CNBD1: variants seen among roughly 807,000 people sequenced by gnomAD.
CNBD1 encodes cyclic nucleotide-binding domain-containing protein 1.
A neutral mutation model predicts 54.4 loss-of-function variants in CNBD1; 71 were observed. The ratio of observed to expected loss-of-function variants is 1.30; its 90% CI spans 1.08 to 1.59. The LOEUF (loss-of-function observed/expected upper bound fraction) is 1.59. Ranked by LOEUF, CNBD1 falls within the 40% of genes most tolerant of loss-of-function variation. CNBD1 has a pLI of 0.00. For synonymous variants in CNBD1, 182 were observed against 170.7 expected, an observed-to-expected ratio of 1.07 and a Z score of -0.51; for missense variants, 659 against 518.0, an observed-to-expected ratio of 1.27 and a Z score of -2.64.
At chr8:87,024,081 A>T (rs1013267199) in intron 4 of CNBD1, among the ~76,000 whole-genome samples, 1 of 149,762 alleles carries the variant, frequency 6.7e-6, no homozygotes, top group Admixed American at 6.6e-5. Context: ...ACTAAAAATT[A>T]AAAAAAAATT....
intron 4 of CNBD1, among the ~76,000 whole-genome samples, chr8:87,006,693 C>G (rs143313111): frequency 4.6e-4 from 70 of 152,182 alleles, no homozygotes; most frequent in Non-Finnish European, 6.9e-4. Flanking sequence ...GCCTCACTTC[C>G]GGCATTAGAG....
At chr8:87,208,405 CTATAT>C (rs1317657198) in intron 5 of CNBD1, among the ~76,000 whole-genome samples, 3 of 151,658 alleles carry the variant, frequency 2.0e-5, no homozygotes, top group Admixed American at 6.6e-5. Flanking sequence ...TATTTACTGA[CTATAT>C]TAATATTACT....
intron 4 of CNBD1, among the ~76,000 whole-genome samples, chr8:87,048,988 G>A (rs891709096): frequency 3.9e-5 from 6 of 152,232 alleles, no homozygotes; most frequent in Non-Finnish European, 7.3e-5. Flanking sequence ...AGGCTGGCAA[G>A]TGGACTTTAC....
intron 4 of CNBD1, among the ~76,000 whole-genome samples, chr8:87,129,261 G>A (rs2130724492): frequency 6.6e-6 from 1 of 151,890 alleles, no homozygotes; most frequent in Middle Eastern, 3.4e-3. Flanking sequence ...TTCCTAAAAT[G>A]TTGGTAGGGT....
At chr8:87,009,565 G>T (rs1395132815) in intron 4 of CNBD1, among the ~76,000 whole-genome samples, 3 of 152,030 alleles carry the variant, frequency 2.0e-5, no homozygotes, top group Non-Finnish European at 4.4e-5. Context: ...CTCTCAAAGT[G>T]TGCTGGGTTT....
At chr8:87,044,331 T>C (rs1360147529) in intron 4 of CNBD1, among the ~76,000 whole-genome samples, 2 of 152,122 alleles carry the variant, frequency 1.3e-5, no homozygotes, top group African/African-American at 2.4e-5. Context: ...ATAAGTTAAA[T>C]GGTTGTTTTT....
rs111949181 is a variant in CNBD1, at chr8:87,168,687, G to A, written c.432-37306G>A. Among the ~76,000 whole-genome samples the A allele has an allele frequency of 6.1e-3, 929 of 152,036 alleles. 15 individuals carry two copies. Among genetic ancestry groups the A allele is most frequent in the African/African-American group, 0.021 (866 of 41,484 alleles). ...ACAAATAAGTGATAACATGCAGTTT[G>A]TCTTTCTGTGCCTCCCTTATTTCAC... On this transcript the variant is annotated intron_variant, in intron 4 of 10. Transcript: ENST00000518476.
chr8:87,355,321 C>T (rs1810398848), intron 10 of CNBD1, among the ~76,000 whole-genome samples: 1 of 152,164 alleles, frequency 6.6e-6, no homozygotes, highest in Non-Finnish European at 1.5e-5. Context: ...TTTTCTGGGA[C>T]ATCTTCTGGC....
chr8:86,903,182 C>A (rs866150076), intron 2 of CNBD1, among the ~76,000 whole-genome samples: 3 of 152,078 alleles, frequency 2.0e-5, no homozygotes, highest in African/African-American at 7.2e-5. Flanking sequence ...GACACTGAAT[C>A]CATGTACATT....
chr8:87,087,688 G>A (rs1329359356), intron 4 of CNBD1, among the ~76,000 whole-genome samples: 1 of 151,744 alleles, frequency 6.6e-6, no homozygotes, highest in African/African-American at 2.4e-5. Flanking sequence ...GGATGGTCTC[G>A]ATCCCCTGAC....
At chr8:87,362,296 C>G (rs568079172) in intron 10 of CNBD1, among the ~76,000 whole-genome samples, 1 of 152,110 alleles carries the variant, frequency 6.6e-6, no homozygotes, top group East Asian at 1.9e-4. Flanking sequence ...GCCAAGAATG[C>G]TTGAATGAGA....
intron 5 of CNBD1, among the ~76,000 whole-genome samples, chr8:87,220,204 G>T (rs540866476): frequency 6.6e-6 from 1 of 151,798 alleles, no homozygotes; most frequent in African/African-American, 2.4e-5. Flanking sequence ...TTCACTTAAT[G>T]CTATGAATAT....
At chr8:87,420,407 T>C (rs896784545) in intron 2 of CNBD1, among the ~76,000 whole-genome samples, 2 of 152,108 alleles carry the variant, frequency 1.3e-5, no homozygotes, top group Admixed American at 1.3e-4. Context: ...CATTCTTTTA[T>C]GGCTATCATA....
chr8:87,381,851 G>C (rs1811081838), intron 10 of CNBD1, among the ~76,000 whole-genome samples: 1 of 151,814 alleles, frequency 6.6e-6, no homozygotes, highest in Non-Finnish European at 1.5e-5. Flanking sequence ...TGAGGCATGG[G>C]AAATGGGAAC....
rs1308374916 is a variant in CNBD1, at chr8:87,322,073, G to A, written c.1043-29612G>A. 1.1e-4 allele frequency among the ~76,000 whole-genome samples: 15 copies of A among 131,342 alleles called. No individual in the cohort carries two copies. In the South Asian group the frequency reaches 1.1e-3, roughly 10 times the overall value. 86.2% of individuals were successfully genotyped at this position (131,342 alleles called of 152,430 possible). ...GCGGTGTTTGGTTTTTTGTTCTTGC[G>A]ATAGTTTACTGAGAATGATGATTTC... On this transcript the variant is annotated intron_variant, in intron 8 of 10. Coordinates refer to ENST00000518476, the MANE Select transcript of CNBD1 (RefSeq NM_173538.3).
chr8:86,894,228 A>G (rs1031027293), intron 2 of CNBD1, among the ~76,000 whole-genome samples: 2 of 148,440 alleles, frequency 1.3e-5, no homozygotes, highest in African/African-American at 2.5e-5. Flanking sequence ...CGCCCGGCTA[A>G]TTTTTTGTAT....
intron 4 of CNBD1, among the ~76,000 whole-genome samples, chr8:87,124,031 C>A (rs1405886268): frequency 6.6e-6 from 1 of 151,616 alleles, no homozygotes; most frequent in Non-Finnish European, 1.5e-5. Flanking sequence ...GATGGCTTCA[C>A]TGCTAAATTC....
intron 6 of CNBD1, among the ~76,000 whole-genome samples, chr8:87,247,352 C>T (rs924112195): frequency 3.3e-5 from 5 of 152,164 alleles, no homozygotes; most frequent in Non-Finnish European, 7.3e-5. Context: ...GAGAGGTGAT[C>T]ACGCACCAGC....
At chr8:87,077,412 C>CTTTTTTTTTTTT (rs374931620) in intron 4 of CNBD1, among the ~76,000 whole-genome samples, 4 of 129,582 alleles carry the variant, frequency 3.1e-5, no homozygotes, top group East Asian at 2.3e-4. Flanking sequence ...TCTTCTTCTT[C>CTTTTTTTTTTTT]TTTTTTTTTT....
Sources: gnomAD v4.1 joint callset for allele counts (sites outside exome capture counted in the v4.1 genomes callset) on GRCh38, gnomAD v4.1.1 for gene constraint, MANE v1.5 for transcripts, NCBI Gene and HGNC (gene_info 2026-07-23, HGNC 2026-07-21) for gene names.